ITGBL1: variants seen among roughly 807,000 people sequenced by gnomAD.
The protein encoded by ITGBL1 is integrin beta-like protein 1.
Under a neutral mutation model 68.5 loss-of-function variants are expected in ITGBL1, and 51 were observed. The ratio of observed to expected loss-of-function variants is 0.74; its 90% CI spans 0.59 to 0.94. The LOEUF is 0.94. Ranked by LOEUF, ITGBL1 falls within the 40% of genes least tolerant of loss-of-function variation. The probability of loss-of-function intolerance (pLI) is 0.00; values close to 1 mark genes in which losing one functional copy is unlikely to be tolerated. For missense variants in ITGBL1, 649 were observed against 647.4 expected (o/e 1.00, Z -0.03); for synonymous variants, 209 against 227.3 (o/e 0.92, Z 0.72).
At chr13:101,653,810 T>C (rs569103892) in intron 7 of ITGBL1, among the ~76,000 whole-genome samples, 1 of 150,870 alleles carries the variant, frequency 6.6e-6, no homozygotes, top group Admixed American at 6.6e-5. Context: ...TGCCTCAGAC[T>C]CCCGAGTAGC....
chr13:101,632,252 CTT>C (rs1247865915), intron 7 of ITGBL1, among the ~76,000 whole-genome samples: 8 of 151,990 alleles, frequency 5.3e-5, no homozygotes, highest in Non-Finnish European at 1.2e-4. Context: ...AGGAAAAGGA[CTT>C]TATCAGATGT....
chr13:101,709,477 G>A (rs187352920), intron 9 of ITGBL1, among the ~76,000 whole-genome samples: 2 of 151,856 alleles, frequency 1.3e-5, no homozygotes, highest in South Asian at 2.1e-4. Context: ...GTTATCAGAG[G>A]GGAATGATCT....
intron 7 of ITGBL1, among the ~76,000 whole-genome samples, chr13:101,605,971 T>C (rs143714269): frequency 5.2e-3 from 773 of 147,336 alleles, no homozygotes; most frequent in Middle Eastern, 0.011. Context: ...CACATATATA[T>C]GCATATATGT....
At chr13:101,549,256 A>G (rs1055160860) in intron 2 of ITGBL1, among the ~76,000 whole-genome samples, 12 of 151,950 alleles carry the variant, frequency 7.9e-5, no homozygotes, top group African/African-American at 2.7e-4. Flanking sequence ...ACCATATTTT[A>G]TGTCCATATT....
chr13:101,625,824 G>A (rs970074338), intron 7 of ITGBL1, among the ~76,000 whole-genome samples: 1 of 152,090 alleles, frequency 6.6e-6, no homozygotes, highest in East Asian at 1.9e-4. Context: ...AAAGTTCTGG[G>A]ATTACAGGCG....
intron 2 of ITGBL1, among the ~76,000 whole-genome samples, chr13:101,484,460 G>A (rs1243160188): frequency 6.6e-6 from 1 of 151,986 alleles, no homozygotes. Context: ...TTGAGTTTCT[G>A]GATATGAAAA....
intron 2 of ITGBL1, among the ~76,000 whole-genome samples, chr13:101,472,146 T>C (rs987981261): frequency 6.6e-6 from 1 of 152,228 alleles, no homozygotes; most frequent in African/African-American, 2.4e-5. Flanking sequence ...TTAAAAATTT[T>C]CATGTCCCTT....
At chr13:101,565,575 A>T (rs1566734274) in intron 2 of ITGBL1, among the ~76,000 whole-genome samples, 1 of 152,180 alleles carries the variant, frequency 6.6e-6, no homozygotes, top group Non-Finnish European at 1.5e-5. Flanking sequence ...ACACAGTGTT[A>T]GTCTAAGCAT....
chr13:101,503,429 CTA>C (rs1417078623), intron 2 of ITGBL1, among the ~76,000 whole-genome samples: 1 of 152,166 alleles, frequency 6.6e-6, no homozygotes, highest in African/African-American at 2.4e-5. Flanking sequence ...ATGGGAAACA[CTA>C]TTCTGAAATA....
At chr13:101,685,491 T>A in intron 7 of ITGBL1, among the ~76,000 whole-genome samples, 1 of 152,114 alleles carries the variant, frequency 6.6e-6, no homozygotes, top group African/African-American at 2.4e-5. Flanking sequence ...CTTGGCTCTT[T>A]ATTATATTGT....
At chr13:101,542,215 A>G (rs552123644) in intron 2 of ITGBL1, among the ~76,000 whole-genome samples, 1 of 152,344 alleles carries the variant, frequency 6.6e-6, no homozygotes, top group South Asian at 2.1e-4. Context: ...TTCCCTGTAC[A>G]CACTACTTTG....
chr13:101,653,855 CTTTTTTTGTTTTTTGT>C (rs767655571), intron 7 of ITGBL1, among the ~76,000 whole-genome samples: 2 of 104,644 alleles, frequency 1.9e-5, no homozygotes, highest in East Asian at 5.7e-4. Flanking sequence ...TGCCCAGCTA[CTTTTTTTGTTTTTTGT>C]TTTTTTTTTT....
intron 2 of ITGBL1, among the ~76,000 whole-genome samples, chr13:101,556,830 C>T (rs1031457970): frequency 3.9e-5 from 6 of 152,122 alleles, no homozygotes; most frequent in African/African-American, 7.2e-5. Context: ...TGGTCCTGTT[C>T]GCACCTTGGT....
chr13:101,595,356 C>T (rs576944771), intron 6 of ITGBL1, among the ~76,000 whole-genome samples: 2 of 152,238 alleles, frequency 1.3e-5, no homozygotes, highest in East Asian at 1.9e-4. Flanking sequence ...AGCAAAAGGA[C>T]AGCATTAAGC....
rs34627046 is a variant in ITGBL1 at position 101,689,211 on chromosome 13, T to TAAA, written c.1016-3354_1016-3352dup. Among the ~76,000 whole-genome samples, 39 of 74,866 alleles carry TAAA rather than the reference T, an allele frequency of 5.2e-4. 3 individuals carry two copies. Among genetic ancestry groups the TAAA allele is most frequent in the South Asian group, 4.5e-3 (5 of 1,102 alleles). The allele number at this position is 74,866 out of a possible 152,430, so 49.1% of individuals were successfully genotyped here. Reference sequence around the variant, plus strand: ...CCTGGGGACAGAGCAAGACTCTGCCTAAAAAAAAAAAAAAAAAAAAAATTA... The same window carrying TAAA: ...CCTGGGGACAGAGCAAGACTCTGCCTAAAAAAAAAAAAAAAAAAAAAAAAATTA... On this transcript the variant is annotated intron_variant, in intron 7 of 10. Transcript: ENST00000376180.
intron 2 of ITGBL1, among the ~76,000 whole-genome samples, chr13:101,527,337 A>G (rs1317396633): frequency 6.6e-6 from 1 of 152,172 alleles, no homozygotes; most frequent in Non-Finnish European, 1.5e-5. Flanking sequence ...AATGTAATAT[A>G]AAAGGAATGT....
At chr13:101,649,038 TAATTAA>T (rs763338263) in intron 7 of ITGBL1, among the ~76,000 whole-genome samples, 26 of 152,166 alleles carry the variant, frequency 1.7e-4, no homozygotes, top group Non-Finnish European at 3.5e-4. Context: ...ATAAGAGCCA[TAATTAA>T]AATTATGATT....
chr13:101,464,054 G>A (rs1006674793), intron 2 of ITGBL1, among the ~76,000 whole-genome samples: 9 of 151,834 alleles, frequency 5.9e-5, no homozygotes, highest in Non-Finnish European at 1.0e-4. Context: ...GACTACAGGC[G>A]CCCATCATCA....
chr13:101,583,286 G>A lies in ITGBL1; in HGVS notation c.798G>A (p.Gly266=), dbSNP rs2050494691. The A allele has an allele frequency of 6.2e-7, 1 of 1,613,286 alleles. No homozygotes were observed. The highest frequency in any genetic ancestry group is 1.7e-5 in the Admixed American group (1 of 59,922). The change falls in exon 6 of 11, where the codon GGG becomes GGA. Residue 266 remains glycine (G), a synonymous_variant. Transcript: ENST00000376180. ...DPTGDWGDIH[G]DTCECDERDC... The stretch of plus-strand genomic sequence containing the variant: ...CTGGGGACTGGGGAGATATTCATGG[G>A]GACACCTGTGAATGTGATGAGAGGG...
Sources: gnomAD v4.1 joint callset for allele counts (sites outside exome capture counted in the v4.1 genomes callset) on GRCh38, gnomAD v4.1.1 for gene constraint, MANE v1.5 for transcripts, NCBI Gene and HGNC (gene_info 2026-07-23, HGNC 2026-07-21) for gene names.